SGCZ: variants seen among roughly 807,000 people sequenced by gnomAD.
The protein encoded by SGCZ is sarcoglycan zeta, also known as zeta-sarcoglycan.
A neutral mutation model predicts 41.3 loss-of-function variants in SGCZ; 40 were observed. That is an observed-to-expected ratio of 0.97 (90% CI 0.75 to 1.26). SGCZ has a LOEUF of 1.26. Among genes scored for constraint, SGCZ ranks in the 50% most tolerant of loss-of-function variants. The probability of loss-of-function intolerance (pLI) is 0.00; values close to 1 mark genes in which losing one functional copy is unlikely to be tolerated. For missense variants in SGCZ, 552 were observed against 369.8 expected (o/e 1.49, Z -4.04); for synonymous variants, 206 against 137.5 (o/e 1.50, Z -3.49).
At chr8:15,058,739 T>A (rs939870326) in intron 1 of SGCZ, among the ~76,000 whole-genome samples, 3 of 152,180 alleles carry the variant, frequency 2.0e-5, no homozygotes, top group Admixed American at 2.0e-4. Flanking sequence ...GATCCTTGGA[T>A]CCCATGTCTT....
intron 1 of SGCZ, among the ~76,000 whole-genome samples, chr8:15,036,273 AC>A (rs1803870784): frequency 6.6e-6 from 1 of 152,110 alleles, no homozygotes; most frequent in Non-Finnish European, 1.5e-5. Flanking sequence ...CATACAACCT[AC>A]CAAGAATGAT....
intron 2 of SGCZ, among the ~76,000 whole-genome samples, chr8:14,488,983 T>G (rs1585583891): frequency 1.3e-5 from 2 of 149,336 alleles, no homozygotes; most frequent in African/African-American, 4.9e-5. Flanking sequence ...TATATATATA[T>G]AGATATACAT....
chr8:15,190,338 A>T (rs1391989916), intron 1 of SGCZ, among the ~76,000 whole-genome samples: 1 of 147,410 alleles, frequency 6.8e-6, no homozygotes, highest in African/African-American at 2.7e-5. Flanking sequence ...AATTCATTTC[A>T]TTCATTCATT....
At chr8:14,336,438 C>T (rs542546893) in intron 2 of SGCZ, among the ~76,000 whole-genome samples, 85 of 152,138 alleles carry the variant, frequency 5.6e-4, no homozygotes, top group African/African-American at 2.0e-3. Flanking sequence ...TGATTATATT[C>T]CTTTGGGTAT....
chr8:14,288,662 C>T (rs1200234229), intron 3 of SGCZ, among the ~76,000 whole-genome samples: 2 of 152,006 alleles, frequency 1.3e-5, no homozygotes, highest in African/African-American at 2.4e-5. Flanking sequence ...ATGGATTTAC[C>T]ATATTTTATC....
intron 2 of SGCZ, among the ~76,000 whole-genome samples, chr8:14,433,968 T>C (rs960125710): frequency 6.6e-5 from 10 of 152,204 alleles, no homozygotes; most frequent in Admixed American, 2.0e-4. Context: ...AAAAGCTCTT[T>C]CGTTTAAGTC....
intron 2 of SGCZ, among the ~76,000 whole-genome samples, chr8:14,415,395 G>A (rs1339690062): frequency 6.6e-6 from 1 of 151,822 alleles, no homozygotes; most frequent in Non-Finnish European, 1.5e-5. Flanking sequence ...ATAAGCTTGA[G>A]CCAATGAGTT....
chr8:14,169,374 C>T (rs1285487575), intron 4 of SGCZ, among the ~76,000 whole-genome samples: 2 of 152,142 alleles, frequency 1.3e-5, no homozygotes, highest in African/African-American at 2.4e-5. Context: ...TTCCTCCATT[C>T]GTAGTCTCCT....
chr8:14,503,648 G>A (rs955030033), intron 2 of SGCZ, among the ~76,000 whole-genome samples: 5 of 151,828 alleles, frequency 3.3e-5, no homozygotes, highest in Admixed American at 3.3e-4. Flanking sequence ...TGTGCCTGTA[G>A]TCCCAGTTAC....
At chr8:14,710,778 G>A (rs1809490938) in intron 1 of SGCZ, among the ~76,000 whole-genome samples, 1 of 152,092 alleles carries the variant, frequency 6.6e-6, no homozygotes. Flanking sequence ...CTATTTTTAA[G>A]TGTAAAATAG....
intron 2 of SGCZ, among the ~76,000 whole-genome samples, chr8:14,427,442 C>A (rs1001156388): frequency 1.3e-5 from 2 of 152,130 alleles, no homozygotes; most frequent in Admixed American, 6.6e-5. Context: ...TTAGATCATA[C>A]CACAGAGACC....
intron 7 of SGCZ, among the ~76,000 whole-genome samples, chr8:14,094,930 T>C (rs776798866): frequency 6.6e-6 from 1 of 152,188 alleles, no homozygotes; most frequent in Non-Finnish European, 1.5e-5. Flanking sequence ...TGCATAAATA[T>C]CTTCTTTGGA....
intron 1 of SGCZ, among the ~76,000 whole-genome samples, chr8:15,029,122 T>G (rs1280335972): frequency 1.3e-5 from 2 of 152,076 alleles, no homozygotes; most frequent in Non-Finnish European, 2.9e-5. Context: ...GATTTGTAGC[T>G]AGATACGCTA....
chr8:14,352,191 C>T (rs1382835714), intron 2 of SGCZ, among the ~76,000 whole-genome samples: 4 of 151,886 alleles, frequency 2.6e-5, no homozygotes, highest in Non-Finnish European at 5.9e-5. Context: ...TGTGTGAAGA[C>T]TCAATTGAAA....
chr8:14,350,384 T>C (rs1317681564), intron 2 of SGCZ, among the ~76,000 whole-genome samples: 1 of 152,112 alleles, frequency 6.6e-6, no homozygotes, highest in Non-Finnish European at 1.5e-5. Context: ...TTTCAAGTAT[T>C]TTAGCTTGGA....
chr8:14,452,366 A>T (rs1346503611), intron 2 of SGCZ, among the ~76,000 whole-genome samples: 1 of 152,108 alleles, frequency 6.6e-6, no homozygotes, highest in East Asian at 1.9e-4. Context: ...ATTCTGTGTG[A>T]TATCGTAACG....
intron 1 of SGCZ, among the ~76,000 whole-genome samples, chr8:14,896,669 G>A (rs929768313): frequency 1.3e-5 from 2 of 151,658 alleles, no homozygotes; most frequent in South Asian, 4.2e-4. Flanking sequence ...GAGAGACGGG[G>A]TTTCACCATG....
intron 4 of SGCZ, among the ~76,000 whole-genome samples, chr8:14,220,118 A>T (rs2117118651): frequency 6.6e-6 from 1 of 152,296 alleles, no homozygotes; most frequent in East Asian, 1.9e-4. Flanking sequence ...TTCTAGTTAT[A>T]TATCAAAAAG....
chr8:14,877,889 C>A (rs1804423332), intron 1 of SGCZ, among the ~76,000 whole-genome samples: 1 of 151,864 alleles, frequency 6.6e-6, no homozygotes, highest in Admixed American at 6.6e-5. Context: ...TACATTTATG[C>A]AAAAGGGTTT....
Sources: allele counts gnomAD v4.1 joint callset (sites outside exome capture counted in the v4.1 genomes callset), GRCh38; gene constraint gnomAD v4.1.1; transcripts MANE v1.5; gene names NCBI Gene and HGNC (gene_info 2026-07-23, HGNC 2026-07-21).